GLRA1: variants seen among roughly 807,000 people sequenced by gnomAD.
The protein encoded by GLRA1 is glycine receptor subunit alpha-1.
A neutral mutation model predicts 48.3 loss-of-function variants in GLRA1; 37 were observed. The observed-to-expected ratio is 0.77, with a 90% CI of 0.59 to 1.01. The LOEUF (loss-of-function observed/expected upper bound fraction) is 1.01. Among genes scored for constraint, GLRA1 ranks in the 50% least tolerant of loss-of-function variants. The probability of loss-of-function intolerance (pLI) is 0.00; values close to 1 mark genes in which losing one functional copy is unlikely to be tolerated. For synonymous variants in GLRA1, 196 were observed against 210.7 expected (o/e 0.93, Z 0.60); for missense variants, 427 against 571.0 (o/e 0.75, Z 2.57).
At chr5:151,827,892 A>G (rs768132512) in intron 8 of GLRA1, among the ~76,000 whole-genome samples, 40 of 152,044 alleles carry the variant, frequency 2.6e-4, no homozygotes, top group Non-Finnish European at 4.9e-4. Context: ...AACTGCAATT[A>G]TTTTTGCACC....
rs994519147 is a variant in GLRA1, at chr5:151,924,378, G to A, written c.56+116C>T. 4 of 784,304 alleles carry A rather than the reference G, an allele frequency of 5.1e-6. No homozygotes were observed. The African/African-American group carries it at 5.1e-5, about 10-fold the overall frequency. 48.6% of individuals were successfully genotyped at this position (784,304 alleles called of 1,614,324 possible). A position where few individuals can be genotyped will look rare whatever the true frequency, so the allele number is the denominator to read the frequency against. On this transcript the variant is annotated intron_variant, in intron 1 of 8. Transcript: ENST00000274576. ...AGACGGGGGATGGAAGGACCCGATT[G>A]CAGTGGAATACAGCACCCCTCTTCC...
intron 8 of GLRA1, among the ~76,000 whole-genome samples, chr5:151,825,919 C>G (rs1205532310): frequency 2.6e-5 from 4 of 152,138 alleles, no homozygotes; most frequent in African/African-American, 9.7e-5. Flanking sequence ...TTGTACACCT[C>G]TAGGGTACAA....
At position 151,879,901 on chromosome 5, in the gene GLRA1, C is replaced by G. The variant is rs146947337; in HGVS notation, c.252+6820G>C. On this transcript the variant is annotated intron_variant, in intron 3 of 8. Transcript: ENST00000274576. Reference sequence around the variant, plus strand: ...AATTTCCATGTGTTATGGATGGGACCTGGTGGGAGATAATTGAATCGTTGG... The same window carrying G: ...AATTTCCATGTGTTATGGATGGGACGTGGTGGGAGATAATTGAATCGTTGG... 6.6e-3 allele frequency among the ~76,000 whole-genome samples: 1,000 copies of G among 152,224 alleles called. 7 individuals carry two copies. Among genetic ancestry groups the G allele is most frequent in the Non-Finnish European group, 0.01 (687 of 68,016 alleles).
At chr5:151,885,093 C>T (rs781124009) in intron 3 of GLRA1, among the ~76,000 whole-genome samples, 11 of 152,330 alleles carry the variant, frequency 7.2e-5, no homozygotes, top group East Asian at 1.9e-4. Flanking sequence ...GAACAGTCTT[C>T]GTGACCATAT....
chr5:151,880,605 C>T (rs947556747), intron 3 of GLRA1, among the ~76,000 whole-genome samples: 8 of 152,352 alleles, frequency 5.3e-5, no homozygotes, highest in Non-Finnish European at 1.0e-4. Flanking sequence ...CTCTCTCTCT[C>T]TCTCTCACTC....
At chr5:151,856,225 T>C in intron 5 of GLRA1, 76 bp downstream of exon 5, 1 of 922,876 alleles carries the variant, frequency 1.1e-6, no homozygotes, top group Non-Finnish European at 1.8e-6. Flanking sequence ...TAGGAGCAGC[T>C]GTGTGGGAAT....
chr5:151,891,091 C>T (rs1754055848), intron 2 of GLRA1, among the ~76,000 whole-genome samples: 1 of 152,148 alleles, frequency 6.6e-6, no homozygotes, highest in African/African-American at 2.4e-5. Flanking sequence ...GAACTTGAGC[C>T]AAAGGAACAG....
At chr5:151,835,916 C>T (rs1763567576) in intron 7 of GLRA1, among the ~76,000 whole-genome samples, 1 of 152,174 alleles carries the variant, frequency 6.6e-6, no homozygotes. Flanking sequence ...AGGATTCCCT[C>T]TCTCACCACT....
At chr5:151,872,231 C>T (rs1468501661) in intron 3 of GLRA1, among the ~76,000 whole-genome samples, 1 of 146,982 alleles carries the variant, frequency 6.8e-6, no homozygotes, top group African/African-American at 2.7e-5. Context: ...AAATTAAACT[C>T]CAAATGGATT....
At chr5:151,856,249 A>G (rs536582208) in intron 5 of GLRA1, 52 bp downstream of exon 5, 4 of 1,261,312 alleles carry the variant, frequency 3.2e-6, no homozygotes, top group Non-Finnish European at 3.5e-6. Flanking sequence ...TGCCTATCCC[A>G]TGGGTAAAAA....
intron 1 of GLRA1, among the ~76,000 whole-genome samples, chr5:151,897,783 T>C (rs1016420335): frequency 6.6e-6 from 1 of 152,184 alleles, no homozygotes; most frequent in African/African-American, 2.4e-5. Flanking sequence ...GGAACAAATA[T>C]ATTTTAGTTT....
At chr5:151,924,396 C>T (rs1754955287) in intron 1 of GLRA1, 98 bp downstream of exon 1, 3 of 823,432 alleles carry the variant, frequency 3.6e-6, no homozygotes, top group South Asian at 2.7e-5. Context: ...ATACAGCACC[C>T]CTCTTCCCCA....
chr5:151,847,251 T>C (rs1004729731), intron 7 of GLRA1, among the ~76,000 whole-genome samples: 1 of 152,166 alleles, frequency 6.6e-6, no homozygotes, highest in African/African-American at 2.4e-5. Context: ...GTTGAGTGAA[T>C]AGAGCAGAAT....
At chr5:151,847,887 A>T (rs1440028761) in intron 7 of GLRA1, among the ~76,000 whole-genome samples, 1 of 152,218 alleles carries the variant, frequency 6.6e-6, no homozygotes, top group Non-Finnish European at 1.5e-5. Flanking sequence ...AGGTGAATGG[A>T]ACAGAATGTT....
At chr5:151,860,040 T>C (rs1293533419) in intron 3 of GLRA1, 32 bp from the exon 4 acceptor site, 3 of 1,540,264 alleles carry the variant, frequency 1.9e-6, no homozygotes, top group East Asian at 2.2e-5. Context: ...GTGAAGGCAA[T>C]GTTAGGCCCA....
In GLRA1 at chr5:151,822,838, A is replaced by G. The variant is rs368049933; in HGVS notation, c.1185T>C (p.Pro395=). 54 of 1,614,004 alleles carry G rather than the reference A, an allele frequency of 3.3e-5. No individual in the cohort carries two copies. The highest frequency in any genetic ancestry group is 1.6e-4 in the Middle Eastern group (1 of 6,084). Residue 395 remains proline, a synonymous_variant, in exon 9 of 9, where the codon CCT becomes CCC. Coordinates refer to ENST00000274576, the MANE Select transcript of GLRA1 (RefSeq NM_000171.4). ...ANNSNTTNPP[P]APSKSPEEMR... is the part of the protein sequence containing the mutation. ...TCTCCTCTGGGGACTTAGATGGTGC[A>G]GGAGGGGGGTTGGTGGTGTTACTGT...
At chr5:151,899,685 AT>A (rs1323545152) in intron 1 of GLRA1, among the ~76,000 whole-genome samples, 2 of 151,996 alleles carry the variant, frequency 1.3e-5, no homozygotes, top group Non-Finnish European at 2.9e-5. Flanking sequence ...TGCAATTCTG[AT>A]TTTATTTGAT....
At chr5:151,893,935 A>G (rs1388319418) in intron 1 of GLRA1, among the ~76,000 whole-genome samples, 1 of 152,210 alleles carries the variant, frequency 6.6e-6, no homozygotes, top group Non-Finnish European at 1.5e-5. Context: ...GAATTGCCAC[A>G]CCAAACTCTT....
chr5:151,850,964 C>G (rs573112673), intron 7 of GLRA1, among the ~76,000 whole-genome samples: 1 of 152,088 alleles, frequency 6.6e-6, no homozygotes, highest in African/African-American at 2.4e-5. Context: ...CAACTTTATG[C>G]TGAGTCCTAT....
Sources: allele counts gnomAD v4.1 joint callset (sites outside exome capture counted in the v4.1 genomes callset), GRCh38; gene constraint gnomAD v4.1.1; transcripts MANE v1.5; gene names NCBI Gene and HGNC (gene_info 2026-07-23, HGNC 2026-07-21).